The following RRP15 variants were observed in gnomAD, a reference collection of about 807,000 sequenced individuals.
RRP15 encodes the protein RRP15-like protein.
RRP15 carries 18 observed loss-of-function variants against 27.1 expected under a neutral mutation model. The observed-to-expected ratio is 0.66, with a 90% CI of 0.46 to 0.98. The LOEUF (loss-of-function observed/expected upper bound fraction) is 0.98. Ranked by LOEUF, RRP15 falls within the 50% of genes least tolerant of loss-of-function variation. The pLI is 0.00. For missense variants in RRP15, 359 were observed against 337.8 expected (o/e 1.06, Z -0.49); for synonymous variants, 107 against 109.4 (o/e 0.98, Z 0.14).
At chr1:218,293,664 T>A (rs1189668853) in intron 1 of RRP15, among the ~76,000 whole-genome samples, 1 of 152,232 alleles carries the variant, frequency 6.6e-6, no homozygotes, top group Non-Finnish European at 1.5e-5. Flanking sequence ...ATATGTTGTT[T>A]GAATTTTATT....
chr1:218,292,087 C>T (rs555266629), intron 1 of RRP15, among the ~76,000 whole-genome samples: 10 of 151,980 alleles, frequency 6.6e-5, no homozygotes, highest in African/African-American at 1.9e-4. Context: ...CCTCCTGCCT[C>T]GGCCTCCCGA....
chr1:218,301,657 A>C (rs956580050), intron 1 of RRP15: 2 of 152,204 alleles, frequency 1.3e-5, no homozygotes, highest in Admixed American at 6.6e-5. Context: ...TCAGTCACTC[A>C]GTCCTACAAT....
At chr1:218,304,988 A>G in intron 2 of RRP15, 40 bp from the exon 3 acceptor site, 1 of 1,550,432 alleles carries the variant, frequency 6.4e-7, no homozygotes, top group East Asian at 2.3e-5. Flanking sequence ...ACTTTCAGAA[A>G]TATCTAATAT....
At chr1:218,324,370 G>T (rs1237844322) in intron 4 of RRP15, among the ~76,000 whole-genome samples, 1 of 152,246 alleles carries the variant, frequency 6.6e-6, no homozygotes, top group Non-Finnish European at 1.5e-5. Context: ...GCGGCCGGCA[G>T]TGAGGTTGAG....
At chr1:218,319,619 G>A (rs923378985) in intron 4 of RRP15, among the ~76,000 whole-genome samples, 3 of 152,120 alleles carry the variant, frequency 2.0e-5, no homozygotes, top group Non-Finnish European at 2.9e-5. Flanking sequence ...AAAGGGGTCT[G>A]ATGGGACCAA....
chr1:218,302,730 C>A, intron 2 of RRP15, 171 bp downstream of exon 2: 2 of 1,011,968 alleles, frequency 2.0e-6, no homozygotes, highest in Non-Finnish European at 2.8e-6. Flanking sequence ...TAAATTATTC[C>A]ATTGAGCATG....
At chr1:218,290,816 G>A (rs78548399) in intron 1 of RRP15, among the ~76,000 whole-genome samples, 2 of 152,144 alleles carry the variant, frequency 1.3e-5, no homozygotes, top group Admixed American at 6.6e-5. Flanking sequence ...ACTTGAAATG[G>A]TTTTCAGAAA....
At chr1:218,324,090 C>T (rs1486429419) in intron 4 of RRP15, among the ~76,000 whole-genome samples, 1 of 152,222 alleles carries the variant, frequency 6.6e-6, no homozygotes, top group Non-Finnish European at 1.5e-5. Context: ...GGCCCAAGTC[C>T]TCCTCTTGGC....
chr1:218,323,757 G>A (rs1428799257), intron 4 of RRP15, among the ~76,000 whole-genome samples: 1 of 152,194 alleles, frequency 6.6e-6, no homozygotes, highest in Non-Finnish European at 1.5e-5. Flanking sequence ...AAGTCCGGAG[G>A]GGGCCAAGGG....
At position 218,331,167 on chromosome 1, in the gene RRP15, T is replaced by C; in HGVS notation, c.*76T>C. 1 of 1,379,034 alleles carries C rather than the reference T, an allele frequency of 7.3e-7. No individual in the cohort carries two copies. The highest frequency in any genetic ancestry group is 9.8e-7 in the Non-Finnish European group (1 of 1,019,544). The allele number at this position is 1,379,034 out of a possible 1,614,324, so 85.4% of individuals were successfully genotyped here. On this transcript the variant is annotated 3_prime_UTR_variant, in exon 5 of 5. Transcript: ENST00000366932. ...TGTCATCCTCTGATAGTTGGGGAAT[T>C]ATAAGGATACCATTTGTAAGAAAGC...
intron 2 of RRP15, 89 bp downstream of exon 2, chr1:218,302,648 A>G (rs1655833247): frequency 6.6e-7 from 1 of 1,514,644 alleles, no homozygotes; most frequent in South Asian, 1.4e-5. Flanking sequence ...TGTTTGACCA[A>G]TTAACGTTCC....
rs374484507 is a variant in RRP15 at position 218,314,656 on chromosome 1, A to G, written c.705+7024A>G. Among the ~76,000 whole-genome samples the G allele has an allele frequency of 2.6e-5, 4 of 152,256 alleles. No homozygotes were observed. The South Asian group carries it at 8.3e-4, about 32-fold the overall frequency. On this transcript the variant is annotated intron_variant, in intron 4 of 4. Transcript: ENST00000366932. ...TTTTTTTAATAATGAAACTGAAATTATAATTTTATAGTAAGGGAAAATGCT... is the reference window on the plus strand; with the variant it reads ...TTTTTTTAATAATGAAACTGAAATTGTAATTTTATAGTAAGGGAAAATGCT...
Position 218,337,130 on chromosome 1 carries a change from GTCTA to G in RRP15, c.*6044_*6047del, listed in dbSNP as rs970619010. The G allele has an allele frequency of 6.6e-6, 1 of 152,178 alleles. No homozygotes were observed. Among genetic ancestry groups the G allele is most frequent in the Admixed American group, 6.5e-5 (1 of 15,268 alleles). The allele number at this position is 152,178 out of a possible 1,614,324, so 9.4% of individuals were successfully genotyped here. On this transcript the variant is annotated 3_prime_UTR_variant, in exon 5 of 5. Coordinates refer to ENST00000366932, the MANE Select transcript of RRP15 (RefSeq NM_016052.4). ...TAAAGATTGGATTAATGTATGCAGT[GTCTA>G]TCTAGCACAGTGCCTGTTATGTAGT...
At chr1:218,328,540 A>G (rs758948712) in intron 4 of RRP15, among the ~76,000 whole-genome samples, 12 of 151,966 alleles carry the variant, frequency 7.9e-5, no homozygotes, top group Non-Finnish European at 7.4e-5. Context: ...GCAGGTGCCT[A>G]TAGTCCCAGC....
chr1:218,307,848 G>T (rs1195720161), intron 4 of RRP15, among the ~76,000 whole-genome samples: 1 of 151,904 alleles, frequency 6.6e-6, no homozygotes, highest in Admixed American at 6.6e-5. Flanking sequence ...AGCCTGTGTG[G>T]GCCACAGCTT....
intron 4 of RRP15, among the ~76,000 whole-genome samples, chr1:218,325,293 C>G (rs1455169960): frequency 6.6e-6 from 1 of 152,168 alleles, no homozygotes; most frequent in Non-Finnish European, 1.5e-5. Context: ...CTGGCTGTTT[C>G]CTTCTTTTTC....
intron 4 of RRP15, among the ~76,000 whole-genome samples, chr1:218,322,602 T>A (rs1656203972): frequency 6.6e-6 from 1 of 152,084 alleles, no homozygotes; most frequent in Non-Finnish European, 1.5e-5. Flanking sequence ...GCCATAAACG[T>A]TTATTATAAA....
chr1:218,315,042 C>A, intron 4 of RRP15, among the ~76,000 whole-genome samples: 1 of 148,154 alleles, frequency 6.7e-6, no homozygotes, highest in Non-Finnish European at 1.5e-5. Context: ...GATTGCTAGA[C>A]AATAATTTTT....
At chr1:218,285,509 C>A (rs2102487647) in intron 1 of RRP15, 54 bp downstream of exon 1, 1 of 1,607,406 alleles carries the variant, frequency 6.2e-7, no homozygotes, top group South Asian at 1.1e-5. Context: ...GGGCTGAGTT[C>A]GTGTCAAGCA....
Sources: gnomAD v4.1 joint callset for allele counts (sites outside exome capture counted in the v4.1 genomes callset) on GRCh38, gnomAD v4.1.1 for gene constraint, MANE v1.5 for transcripts, NCBI Gene and HGNC (gene_info 2026-07-23, HGNC 2026-07-21) for gene names.